Variants in SMARCAD1 observed in about 807,000 individuals in gnomAD.
SMARCAD1 encodes the protein SNF2 related chromatin remodeling ATPase with DExD box 1.
A neutral mutation model predicts 127.1 loss-of-function variants in SMARCAD1; 25 were observed. The observed-to-expected ratio is 0.20, with a 90% CI of 0.14 to 0.27. The LOEUF (loss-of-function observed/expected upper bound fraction) is 0.27. Ranked by LOEUF, SMARCAD1 falls within the 10% of genes least tolerant of loss-of-function variation. The pLI is 1.00. For synonymous variants in SMARCAD1, 400 were observed against 396.9 expected (o/e 1.01, Z -0.09); for missense variants, 807 against 1,206.0 (o/e 0.67, Z 4.90).
intron 10 of SMARCAD1, among the ~76,000 whole-genome samples, chr4:94,269,793 T>C (rs1002019131): frequency 6.6e-6 from 1 of 151,974 alleles, no homozygotes; most frequent in Non-Finnish European, 1.5e-5. Flanking sequence ...CTCAGTCTCC[T>C]GAGTAGCTGG....
chr4:94,245,327 C>T (rs887716283), intron 6 of SMARCAD1, among the ~76,000 whole-genome samples: 6 of 152,106 alleles, frequency 3.9e-5, no homozygotes, highest in Non-Finnish European at 7.3e-5. Context: ...TCTGTGTATG[C>T]CATGACAGTG....
chr4:94,225,429 A>G (rs1269524583), intron 2 of SMARCAD1, among the ~76,000 whole-genome samples: 1 of 152,170 alleles, frequency 6.6e-6, no homozygotes, highest in Non-Finnish European at 1.5e-5. Context: ...TCATTTTAAC[A>G]TAATAATTTT....
At chr4:94,233,236 C>A (rs528443518) in intron 3 of SMARCAD1, among the ~76,000 whole-genome samples, 4 of 152,300 alleles carry the variant, frequency 2.6e-5, no homozygotes, top group Non-Finnish European at 2.9e-5. Context: ...CTATAACTTA[C>A]ATTCATTTGT....
intron 9 of SMARCAD1, among the ~76,000 whole-genome samples, chr4:94,256,621 T>C (rs1750126055): frequency 6.6e-6 from 1 of 152,156 alleles, no homozygotes; most frequent in African/African-American, 2.4e-5. Flanking sequence ...TTGCGGCCTC[T>C]CCAAGTGCCG....
chr4:94,250,016 T>C (rs1197378706), intron 7 of SMARCAD1, among the ~76,000 whole-genome samples: 1 of 152,024 alleles, frequency 6.6e-6, no homozygotes, highest in Non-Finnish European at 1.5e-5. Context: ...ATTTATAACA[T>C]GTAAGTCATC....
chr4:94,288,219 A>G (rs1174537527), intron 23 of SMARCAD1, among the ~76,000 whole-genome samples: 2 of 152,118 alleles, frequency 1.3e-5, no homozygotes, highest in African/African-American at 4.8e-5. Flanking sequence ...ATTTTCAGAC[A>G]TTATCATATA....
chr4:94,251,891 G>A (rs1305147283), intron 8 of SMARCAD1, among the ~76,000 whole-genome samples: 2 of 151,554 alleles, frequency 1.3e-5, no homozygotes, highest in East Asian at 1.9e-4. Flanking sequence ...TTGCTCTGTC[G>A]CCCAGGCTGG....
chr4:94,276,227 A>T, intron 14 of SMARCAD1, 112 bp from the exon 15 acceptor site: 1 of 1,098,840 alleles, frequency 9.1e-7, no homozygotes. Context: ...TGCTTTAAGT[A>T]CTGGCTGTTA....
At chr4:94,211,489 A>G (rs965725358) in intron 2 of SMARCAD1, among the ~76,000 whole-genome samples, 1 of 152,192 alleles carries the variant, frequency 6.6e-6, no homozygotes, top group African/African-American at 2.4e-5. Context: ...CTTCTTTATC[A>G]TGTGGTAACT....
chr4:94,216,472 TAAG>T lies in SMARCAD1; in HGVS notation c.190+7891_190+7893del, dbSNP rs1180667417. Among the ~76,000 whole-genome samples, 15 of 152,322 alleles carry T rather than the reference TAAG, an allele frequency of 9.8e-5. No homozygotes were observed. The East Asian group carries it at 2.9e-3, about 29-fold the overall frequency. On this transcript the variant is annotated intron_variant, in intron 2 of 23. Transcript: ENST00000354268. ...TTTAAAAATTATGATAAAATACACA[TAAG>T]AAAATTTACCATCTCAACCATTTTT...
intron 21 of SMARCAD1, among the ~76,000 whole-genome samples, chr4:94,281,796 G>A (rs752393807): frequency 3.9e-5 from 6 of 151,970 alleles, no homozygotes; most frequent in Non-Finnish European, 7.4e-5. Context: ...TGATGCGGGC[G>A]GATTGGTTGG....
rs1376235631 is a variant in SMARCAD1 at position 94,291,075 on chromosome 4, C to A, written c.*1541C>A. 2.2e-6 allele frequency: 1 copy of A among 447,172 alleles called. No individual in the cohort carries two copies. Among genetic ancestry groups the A allele is most frequent in the Non-Finnish European group, 4.5e-6 (1 of 224,270 alleles). 27.7% of individuals were successfully genotyped at this position (447,172 alleles called of 1,614,324 possible). On this transcript the variant is annotated 3_prime_UTR_variant, in exon 24 of 24. Transcript: ENST00000354268. ...TCCTTGTACATCACTATACCCAAAT[C>A]AGTTATTCAAATTGTTAGGAATTTT... is the stretch of plus-strand genomic sequence containing the variant.
chr4:94,272,658 T>C (rs919181921), intron 11 of SMARCAD1, among the ~76,000 whole-genome samples: 1 of 152,238 alleles, frequency 6.6e-6, no homozygotes, highest in Non-Finnish European at 1.5e-5. Context: ...TCTGTGTTCT[T>C]ATATGTATCA....
chr4:94,226,259 C>G lies in SMARCAD1; in HGVS notation c.331C>G (p.Gln111Glu), dbSNP rs539162347. The G allele has an allele frequency of 1.9e-6, 3 of 1,612,700 alleles. No individual in the cohort carries two copies. In the Admixed American group the frequency reaches 5.0e-5, roughly 27 times the overall value. The change falls in exon 3 of 24, where the codon CAA becomes GAA. Residue 111 changes from glutamine to glutamate, a missense_variant. By Grantham distance (29) the Gln-to-Glu change is conservative. This residue lies in a region of SMARCAD1 where 175 missense variants were observed against 169.5 expected (regional missense o/e 1.03). Transcript: ENST00000354268. ...VVSPNCSNTV[Q>E]EKTFNKDTVI... ...TTCCCCAAATTGCTCCAATACAGTTCAAGAGAAAACATTCAACAAAGATAC... is the reference window on the plus strand; with the variant it reads ...TTCCCCAAATTGCTCCAATACAGTTGAAGAGAAAACATTCAACAAAGATAC...
chr4:94,283,995 T>G (rs1490414861), intron 22 of SMARCAD1, among the ~76,000 whole-genome samples: 2 of 151,622 alleles, frequency 1.3e-5, no homozygotes, highest in Non-Finnish European at 2.9e-5. Flanking sequence ...TTTAGATGAA[T>G]GGTACATTTT....
At chr4:94,244,869 C>T (rs190887386) in intron 6 of SMARCAD1, among the ~76,000 whole-genome samples, 1 of 152,228 alleles carries the variant, frequency 6.6e-6, no homozygotes, top group African/African-American at 2.4e-5. Flanking sequence ...AAAACCACCT[C>T]TCTGATAACA....
In SMARCAD1 at chr4:94,274,751, G is replaced by A. The variant is rs1375844441; in HGVS notation, c.1686G>A (p.Arg562=). 1.2e-6 allele frequency: 2 copies of A among 1,613,648 alleles called. No individual in the cohort carries two copies. The highest frequency in any genetic ancestry group is 1.7e-6 in the Non-Finnish European group (2 of 1,179,740). Residue 562 remains arginine (R), a synonymous_variant, in exon 13 of 24, where the codon AGG becomes AGA. Coordinates refer to ENST00000354268, the MANE Select transcript of SMARCAD1 (RefSeq NM_020159.5). ...TCTGTTCCATAGATAACTGGTTAAG[G>A]GAAGTTAATTTATGGTGCCCTACTT... is the stretch of plus-strand genomic sequence containing the variant. ...VPASTIDNWL[R]EVNLWCPTLK... is the part of the protein sequence containing the mutation.
At chr4:94,256,461 C>T (rs544949069) in intron 9 of SMARCAD1, among the ~76,000 whole-genome samples, 56 of 152,270 alleles carry the variant, frequency 3.7e-4, no homozygotes, top group African/African-American at 1.3e-3. Context: ...CTCCCGGGTT[C>T]AAGCGATTCT....
rs1755508242 is a variant in SMARCAD1, at chr4:94,290,189, A to C, written c.*655A>C. On this transcript the variant is annotated 3_prime_UTR_variant, in exon 24 of 24. Transcript: ENST00000354268. Reference sequence around the variant, plus strand: ...GTTGTTTTCCAGTGAATAGTAACTAAAGAAGCCCCTACCTTGCTCCATGGA... The same window carrying C: ...GTTGTTTTCCAGTGAATAGTAACTACAGAAGCCCCTACCTTGCTCCATGGA... 2.2e-6 allele frequency: 1 copy of C among 454,350 alleles called. No individual in the cohort carries two copies. The highest frequency in any genetic ancestry group is 4.4e-6 in the Non-Finnish European group (1 of 226,760). The allele number at this position is 454,350 out of a possible 1,614,324, so 28.1% of individuals were successfully genotyped here.
Sources: gnomAD v4.1 joint callset for allele counts (sites outside exome capture counted in the v4.1 genomes callset) on GRCh38, gnomAD v4.1.1 for gene constraint, gnomAD v4.1.1 regional missense constraint, MANE v1.5 for transcripts, NCBI Gene and HGNC (gene_info 2026-07-23, HGNC 2026-07-21) for gene names.